PIEZO2: variants seen among roughly 807,000 people sequenced by gnomAD.
PIEZO2 encodes piezo-type mechanosensitive ion channel component 2.
Under a neutral mutation model 337.3 loss-of-function variants are expected in PIEZO2, and 172 were observed. That is an observed-to-expected ratio of 0.51 (90% CI 0.45 to 0.58). The LOEUF is 0.58. Ranked by LOEUF, PIEZO2 falls within the 20% of genes least tolerant of loss-of-function variation. PIEZO2 has a pLI of 0.00. For synonymous variants in PIEZO2, 1,251 were observed against 1,228.5 expected, an observed-to-expected ratio of 1.02 and a Z score of -0.38; for missense variants, 3,028 against 3,391.3, an observed-to-expected ratio of 0.89 and a Z score of 2.66.
intron 2 of PIEZO2, among the ~76,000 whole-genome samples, chr18:11,051,236 G>C (rs1472010406): frequency 6.6e-5 from 10 of 152,058 alleles, no homozygotes; most frequent in Non-Finnish European, 1.2e-4. Flanking sequence ...TCCAATCTCA[G>C]ACTGCATTCA....
intron 7 of PIEZO2, among the ~76,000 whole-genome samples, chr18:10,823,017 T>G (rs2040566128): frequency 6.6e-6 from 1 of 152,220 alleles, no homozygotes; most frequent in South Asian, 2.1e-4. Flanking sequence ...CTAAGATGAT[T>G]TGAAAATGAT....
intron 1 of PIEZO2, among the ~76,000 whole-genome samples, chr18:11,115,889 T>G (rs766529165): frequency 6.6e-6 from 1 of 152,188 alleles, no homozygotes; most frequent in Admixed American, 6.5e-5. Flanking sequence ...TTACAGCCTA[T>G]GAAGAGAAGC....
chr18:11,114,703 C>T (rs952843677), intron 1 of PIEZO2, among the ~76,000 whole-genome samples: 1 of 151,842 alleles, frequency 6.6e-6, no homozygotes, highest in East Asian at 1.9e-4. Context: ...CTTTTCCCCC[C>T]ACATATTTGA....
At position 10,953,821 on chromosome 18, in the gene PIEZO2, C is replaced by T. The variant is rs573424006; in HGVS notation, c.286+25714G>A. Among the ~76,000 whole-genome samples the T allele has an allele frequency of 1.3e-5, 2 of 152,148 alleles. No homozygotes were observed. Among genetic ancestry groups the T allele is most frequent in the South Asian group, 4.2e-4 (2 of 4,808 alleles). On this transcript the variant is annotated intron_variant, in intron 3 of 55. Transcript: ENST00000674853. The surrounding 1 kb of genome is among the most constrained non-coding windows in gnomAD (Gnocchi z 5.2). ...CGGGGTGCACTTGGGAACAGATGAA[C>T]AAGCAGGGGCAGCAAGAGAGAGGCA...
intron 3 of PIEZO2, among the ~76,000 whole-genome samples, chr18:10,913,868 T>A (rs2030693153): frequency 6.6e-6 from 1 of 152,112 alleles, no homozygotes; most frequent in South Asian, 2.1e-4. Context: ...AGGCTCATCA[T>A]TTTTTGCCAT....
intron 2 of PIEZO2, among the ~76,000 whole-genome samples, chr18:10,985,556 T>TA (rs1179730640): frequency 2.0e-5 from 3 of 152,236 alleles, no homozygotes; most frequent in Non-Finnish European, 4.4e-5. Flanking sequence ...GTCTGTTTTT[T>TA]ATGCCAGTAG....
chr18:10,949,379 T>C (rs2033179512), intron 3 of PIEZO2, among the ~76,000 whole-genome samples: 1 of 152,162 alleles, frequency 6.6e-6, no homozygotes, highest in Non-Finnish European at 1.5e-5. Context: ...ATAATGCTTT[T>C]AAAAAAGAGG....
At position 10,773,841 on chromosome 18, in the gene PIEZO2, G is replaced by T. The variant is rs1479395225; in HGVS notation, c.2567+165C>A. Among the ~76,000 whole-genome samples the T allele has an allele frequency of 6.6e-6, 1 of 152,190 alleles. No homozygotes were observed. Among genetic ancestry groups the T allele is most frequent in the Non-Finnish European group, 1.5e-5 (1 of 68,038 alleles). ...CAAACTGTAAACTTGGTTAGGTTTT[G>T]TTAGCTTTTTTAATTCGGGTTCTAG... is the stretch of plus-strand genomic sequence containing the variant. On this transcript the variant is annotated intron_variant, in intron 19 of 55. Coordinates refer to ENST00000674853, the MANE Select transcript of PIEZO2 (RefSeq NM_001378183.1). This position sits in a 1 kb window ranked among gnomAD's most constrained non-coding sequence, Gnocchi z 5.3.
intron 7 of PIEZO2, among the ~76,000 whole-genome samples, chr18:10,852,663 A>G (rs867560326): frequency 6.6e-6 from 1 of 152,236 alleles, no homozygotes; most frequent in Non-Finnish European, 1.5e-5. Context: ...CTGGTATGGT[A>G]ATAATATTCA....
Position 10,766,282 on chromosome 18 carries a change from G to T in PIEZO2, c.2947-3184C>A, listed in dbSNP as rs895553987. Among the ~76,000 whole-genome samples, 2 of 151,082 alleles carry T rather than the reference G, an allele frequency of 1.3e-5. No homozygotes were observed. Among genetic ancestry groups the T allele is most frequent in the African/African-American group, 4.9e-5 (2 of 41,066 alleles). Reference sequence around the variant, plus strand: ...AGAAGAGGAAGGAGAAAAGGGGAGAGAGAAGGGGAAGCAGAAAGGAGGGGA... The same window carrying T: ...AGAAGAGGAAGGAGAAAAGGGGAGATAGAAGGGGAAGCAGAAAGGAGGGGA... On this transcript the variant is annotated intron_variant, in intron 21 of 55. Transcript: ENST00000674853. The surrounding 1 kb of genome is among the most constrained non-coding windows in gnomAD (Gnocchi z 6.1).
intron 1 of PIEZO2, among the ~76,000 whole-genome samples, chr18:11,073,908 G>A (rs143918690): frequency 0.01 from 1,559 of 150,940 alleles, 27 homozygotes; most frequent in African/African-American, 0.036. Context: ...GTGCAGTGGC[G>A]CAATCTCGGC....
At chr18:11,142,906 G>A (rs959498460) in intron 1 of PIEZO2, among the ~76,000 whole-genome samples, 7 of 151,746 alleles carry the variant, frequency 4.6e-5, no homozygotes, top group Non-Finnish European at 7.4e-5. Flanking sequence ...GTGAAACCCC[G>A]TCGCTACTAA....
intron 7 of PIEZO2, among the ~76,000 whole-genome samples, chr18:10,840,045 A>G (rs1045862734): frequency 1.3e-5 from 2 of 152,210 alleles, no homozygotes; most frequent in Admixed American, 6.5e-5. Flanking sequence ...AAATATAGCT[A>G]TAACTTTCCA....
Position 10,846,153 on chromosome 18 carries a change from AGAATGAG to A in PIEZO2, c.917+9193_917+9199del, listed in dbSNP as rs1215907385. On this transcript the variant is annotated intron_variant, in intron 7 of 55. Transcript: ENST00000674853. This position sits in a 1 kb window ranked among gnomAD's most constrained non-coding sequence, Gnocchi z 4.1. Reference sequence around the variant, plus strand: ...TACCCAAGACTTGGCAATTTACAAAAGAATGAGGTTTATTGGACTTACAGTTCCACAT... The same window carrying A: ...TACCCAAGACTTGGCAATTTACAAAAGTTTATTGGACTTACAGTTCCACAT... Among the ~76,000 whole-genome samples, 4 of 152,254 alleles carry A rather than the reference AGAATGAG, an allele frequency of 2.6e-5. No homozygotes were observed. Among genetic ancestry groups the A allele is most frequent in the African/African-American group, 9.6e-5 (4 of 41,466 alleles).
chr18:10,700,683 T>G (rs2035294276), intron 43 of PIEZO2, among the ~76,000 whole-genome samples: 1 of 152,170 alleles, frequency 6.6e-6, no homozygotes, highest in South Asian at 2.1e-4. Flanking sequence ...CCATCAAGTA[T>G]TAAATACTGA....
chr18:10,773,863 CT>C lies in PIEZO2; in HGVS notation c.2567+142del. 1 of 621,292 alleles carries C rather than the reference CT, an allele frequency of 1.6e-6. No individual in the cohort carries two copies. The highest frequency in any genetic ancestry group is 2.9e-6 in the Non-Finnish European group (1 of 350,734). The allele number at this position is 621,292 out of a possible 1,614,324, so 38.5% of individuals were successfully genotyped here. A position where few individuals can be genotyped will look rare whatever the true frequency, so the allele number is the denominator to read the frequency against. ...TTTGTTAGCTTTTTTAATTCGGGTT[CT>C]AGTGATTAGTTGGTAATGAGAGCTA... is the stretch of plus-strand genomic sequence containing the variant. On this transcript the variant is annotated intron_variant, in intron 19 of 55. Transcript: ENST00000674853. The surrounding 1 kb of genome is among the most constrained non-coding windows in gnomAD (Gnocchi z 5.3).
Position 11,035,525 on chromosome 18 carries a change from CA to C in PIEZO2, c.160+30601del, listed in dbSNP as rs1281506461. On this transcript the variant is annotated intron_variant, in intron 2 of 55. Transcript: ENST00000674853. This position sits in a 1 kb window ranked among gnomAD's most constrained non-coding sequence, Gnocchi z 4.3. ...CCCAGCCTCAGATATTCCTTTAGAG[CA>C]ATGCAAAATGGGCTAACACAACTCC... Among the ~76,000 whole-genome samples, 1 of 152,126 alleles carries C rather than the reference CA, an allele frequency of 6.6e-6. No individual in the cohort carries two copies. Among genetic ancestry groups the C allele is most frequent in the Non-Finnish European group, 1.5e-5 (1 of 68,020 alleles).
intron 1 of PIEZO2, among the ~76,000 whole-genome samples, chr18:11,091,417 A>C (rs968570386): frequency 7.2e-5 from 11 of 152,014 alleles, no homozygotes; most frequent in Non-Finnish European, 8.8e-5. Context: ...AGAAAAAGAA[A>C]GGAAAAGAAA....
At chr18:10,936,959 C>G (rs758177628) in intron 3 of PIEZO2, among the ~76,000 whole-genome samples, 3 of 152,264 alleles carry the variant, frequency 2.0e-5, no homozygotes, top group Admixed American at 1.3e-4. Context: ...TCTTCCCTTA[C>G]GGTCCTGGAG....
Sources: allele counts gnomAD v4.1 joint callset (sites outside exome capture counted in the v4.1 genomes callset), GRCh38; gene constraint gnomAD v4.1.1; non-coding constraint Gnocchi (gnomAD v3.1); transcripts MANE v1.5; gene names NCBI Gene and HGNC (gene_info 2026-07-23, HGNC 2026-07-21).